The following NAV3 variants were observed in gnomAD, a reference collection of about 807,000 sequenced individuals.
The protein encoded by NAV3 is neuron navigator 3.
NAV3 carries 87 observed loss-of-function variants against 244.7 expected under a neutral mutation model. That is an observed-to-expected ratio of 0.36 (90% CI 0.30 to 0.42). The LOEUF is 0.42. NAV3 is among the 20% of genes least tolerant of loss of function. The pLI is 1.00. For synonymous variants in NAV3, 1,126 were observed against 1,042.2 expected, an observed-to-expected ratio of 1.08 and a Z score of -1.55; for missense variants, 2,663 against 2,893.3, an observed-to-expected ratio of 0.92 and a Z score of 1.83.
intron 1 of NAV3, among the ~76,000 whole-genome samples, chr12:77,916,694 C>T (rs186313492): frequency 2.6e-5 from 4 of 152,094 alleles, no homozygotes; most frequent in Admixed American, 2.0e-4. Flanking sequence ...GCACGTTTTT[C>T]GTCAGACTTT....
chr12:77,622,214 CA>C (rs1871402466), intron 2 of NAV3, among the ~76,000 whole-genome samples: 2 of 152,076 alleles, frequency 1.3e-5, no homozygotes, highest in Admixed American at 1.3e-4. Flanking sequence ...GGCTGCAGTG[CA>C]GTGGCGCAAT....
intron 1 of NAV3, among the ~76,000 whole-genome samples, chr12:77,855,632 C>T (rs1878284234): frequency 6.6e-6 from 1 of 152,204 alleles, no homozygotes; most frequent in African/African-American, 2.4e-5. Context: ...TGAAGAGACA[C>T]TGTGAGAATT....
chr12:78,209,885 G>A (rs778950274), intron 39 of NAV3, among the ~76,000 whole-genome samples: 1 of 152,094 alleles, frequency 6.6e-6, no homozygotes, highest in Non-Finnish European at 1.5e-5. Context: ...ACCTCCTCCC[G>A]AGGTCAGCTC....
intron 15 of NAV3, 123 bp downstream of exon 15, chr12:78,120,068 G>C (rs902663409): frequency 8.4e-5 from 43 of 512,006 alleles, no homozygotes; most frequent in Non-Finnish European, 1.2e-4. Flanking sequence ...ATATATCTTA[G>C]AATTCTTTAA....
chr12:78,197,469 C>A (rs981213), intron 35 of NAV3, 68 bp downstream of exon 35: 555,871 of 1,226,720 alleles, frequency 0.45, 131,811 homozygotes, highest in East Asian at 0.79. Context: ...CTTCTTGTAC[C>A]TGTATGCATT....
chr12:77,709,621 C>T (rs995539406), intron 2 of NAV3, among the ~76,000 whole-genome samples: 15 of 152,194 alleles, frequency 9.9e-5, no homozygotes, highest in Admixed American at 5.9e-4. Context: ...TACAAAATGA[C>T]GAGTTAAGTA....
At chr12:78,070,452 T>G (rs943140364) in intron 12 of NAV3, among the ~76,000 whole-genome samples, 22 of 152,046 alleles carry the variant, frequency 1.4e-4, no homozygotes, top group Non-Finnish European at 2.8e-4. Flanking sequence ...CAATAATATT[T>G]TAATTATTTT....
chr12:78,068,763 G>A (rs1036942332), intron 12 of NAV3, among the ~76,000 whole-genome samples: 15 of 150,672 alleles, frequency 1.0e-4, no homozygotes, highest in African/African-American at 3.4e-4. Context: ...ATAGAAAAAT[G>A]GAAGAGGGAG....
At chr12:77,867,844 G>T (rs1294914447) in intron 1 of NAV3, among the ~76,000 whole-genome samples, 6 of 152,174 alleles carry the variant, frequency 3.9e-5, no homozygotes, top group Non-Finnish European at 7.3e-5. Flanking sequence ...GCTCCAAACC[G>T]TGTACAAAGT....
chr12:77,838,518 G>A (rs1371000465), intron 1 of NAV3, among the ~76,000 whole-genome samples: 1 of 152,040 alleles, frequency 6.6e-6, no homozygotes, highest in East Asian at 1.9e-4. Context: ...TCAGTATTTT[G>A]TGTGTTTTTG....
intron 9 of NAV3, among the ~76,000 whole-genome samples, chr12:78,033,567 G>A (rs929639460): frequency 5.9e-5 from 9 of 152,102 alleles, no homozygotes; most frequent in East Asian, 3.9e-4. Context: ...GCAGGATGGC[G>A]CTCTCCAGAG....
At chr12:77,658,135 G>T (rs1459101000) in intron 2 of NAV3, among the ~76,000 whole-genome samples, 3 of 152,098 alleles carry the variant, frequency 2.0e-5, no homozygotes, top group Non-Finnish European at 4.4e-5. Flanking sequence ...AAGAAATAAA[G>T]GGTATTCAAT....
At chr12:77,727,051 G>A (rs17044183) in intron 2 of NAV3, among the ~76,000 whole-genome samples, 5,087 of 152,036 alleles carry the variant, frequency 0.033, 297 homozygotes, top group African/African-American at 0.12. Context: ...AATGAAGATA[G>A]CAGAAGGAGA....
At chr12:78,036,991 T>G in intron 9 of NAV3, 1 of 702,954 alleles carries the variant, frequency 1.4e-6, no homozygotes, top group Non-Finnish European at 2.6e-6. Flanking sequence ...AGACCCACGG[T>G]GCGCATTTCC....
In NAV3 at chr12:78,012,827, G is replaced by C. The variant is rs202204362; in HGVS notation, c.1907+5382G>C. On this transcript the variant is annotated intron_variant, in intron 8 of 39. Coordinates refer to ENST00000397909, the MANE Select transcript of NAV3 (RefSeq NM_001024383.2). ...TCTTTTCTTGTTTACTTATTAACTA[G>C]TGTGATTTCAGCCACCTCCTAATGT... Among the ~76,000 whole-genome samples the C allele has an allele frequency of 3.9e-4, 59 of 152,130 alleles. 1 individual carries two copies. Among genetic ancestry groups the C allele is most frequent in the African/African-American group, 1.3e-3 (55 of 41,512 alleles).
At chr12:77,714,905 A>G (rs1193169991) in intron 2 of NAV3, among the ~76,000 whole-genome samples, 3 of 152,116 alleles carry the variant, frequency 2.0e-5, no homozygotes, top group Admixed American at 1.3e-4. Flanking sequence ...TACATAACAT[A>G]ATTTTTAGAT....
At chr12:77,734,657 AT>A (rs1427752798) in intron 2 of NAV3, among the ~76,000 whole-genome samples, 2 of 152,072 alleles carry the variant, frequency 1.3e-5, no homozygotes, top group African/African-American at 4.8e-5. Context: ...TTATTTATTT[AT>A]TTTTTTAAAC....
chr12:77,860,126 C>T (rs373672356), intron 1 of NAV3, among the ~76,000 whole-genome samples: 25 of 151,760 alleles, frequency 1.6e-4, no homozygotes, highest in South Asian at 1.0e-3. Flanking sequence ...TGTAGCCAAA[C>T]GCGTAAAATA....
chr12:77,873,734 A>ATGTGTGTGTG (rs374693432), intron 1 of NAV3, among the ~76,000 whole-genome samples: 3,594 of 85,178 alleles, frequency 0.042, 191 homozygotes, highest in Non-Finnish European at 0.071. Flanking sequence ...CTAAATACAT[A>ATGTGTGTGTG]TGTGTGTGTG....
Sources: allele counts gnomAD v4.1 joint callset (sites outside exome capture counted in the v4.1 genomes callset), GRCh38; gene constraint gnomAD v4.1.1; transcripts MANE v1.5; gene names NCBI Gene and HGNC (gene_info 2026-07-23, HGNC 2026-07-21).